BCAS3: variants seen among roughly 807,000 people sequenced by gnomAD.
BCAS3 encodes the protein BCAS4/BCAS3 fusion.
BCAS3 carries 53 observed loss-of-function variants against 116.1 expected under a neutral mutation model. That is an observed-to-expected ratio of 0.46 (90% CI 0.37 to 0.57). The LOEUF is 0.57. BCAS3 is among the 20% of genes least tolerant of loss of function. The pLI is 0.00. For synonymous variants in BCAS3, 391 were observed against 408.2 expected, an observed-to-expected ratio of 0.96 and a Z score of 0.51; for missense variants, 917 against 1,165.4, an observed-to-expected ratio of 0.79 and a Z score of 3.10.
At position 61,180,683 on chromosome 17, in the gene BCAS3, G is replaced by T. The variant is rs1198483462; in HGVS notation, c.2425+96119G>T. Among the ~76,000 whole-genome samples, 1 of 152,234 alleles carries T rather than the reference G, an allele frequency of 6.6e-6. No individual in the cohort carries two copies. The highest frequency in any genetic ancestry group is 1.5e-5 in the Non-Finnish European group (1 of 68,042). The stretch of plus-strand genomic sequence containing the variant: ...GAGGAGCATCAGTCCCATGCTTCGT[G>T]TCTGCACAGTGGAACATAAAGCAGC... On this transcript the variant is annotated intron_variant, in intron 22 of 23. Coordinates refer to ENST00000407086, the MANE Select transcript of BCAS3 (RefSeq NM_017679.5). The surrounding 1 kb of genome is among the most constrained non-coding windows in gnomAD (Gnocchi z 6.0).
At position 61,023,952 on chromosome 17, in the gene BCAS3, A is replaced by G. The variant is rs1030829537; in HGVS notation, c.1637+8051A>G. ...GAAAACACCAATTATTCGAGTTTGA[A>G]TATAGTAATTTGGGTTGCCTCTGTT... On this transcript the variant is annotated intron_variant, in intron 16 of 23. Coordinates refer to ENST00000407086, the MANE Select transcript of BCAS3 (RefSeq NM_017679.5). The surrounding 1 kb of genome is among the most constrained non-coding windows in gnomAD (Gnocchi z 4.8). 4.6e-5 allele frequency among the ~76,000 whole-genome samples: 7 copies of G among 152,156 alleles called. No homozygotes were observed. The highest frequency in any genetic ancestry group is 2.6e-4 in the Admixed American group (4 of 15,274).
rs1308451456 is a variant in BCAS3 at position 60,960,205 on chromosome 17, AC to A, written c.1221+12855del. Among the ~76,000 whole-genome samples the A allele has an allele frequency of 2.0e-5, 3 of 152,088 alleles. No individual in the cohort carries two copies. The highest frequency in any genetic ancestry group is 4.4e-5 in the Non-Finnish European group (3 of 68,016). On this transcript the variant is annotated intron_variant, in intron 14 of 23. Coordinates refer to ENST00000407086, the MANE Select transcript of BCAS3 (RefSeq NM_017679.5). The surrounding 1 kb of genome is among the most constrained non-coding windows in gnomAD (Gnocchi z 4.1). Reference sequence around the variant, plus strand: ...ATGCTAAGTATTACCTCTTTTCCCTACCAACATCCCCAAAAGTCACAACCCA... The same window carrying A: ...ATGCTAAGTATTACCTCTTTTCCCTACAACATCCCCAAAAGTCACAACCCA...
Position 61,131,951 on chromosome 17 carries a change from C to T in BCAS3, c.2425+47387C>T, listed in dbSNP as rs546584241. On this transcript the variant is annotated intron_variant, in intron 22 of 23. Transcript: ENST00000407086. This position sits in a 1 kb window ranked among gnomAD's most constrained non-coding sequence, Gnocchi z 4.4. ...ATGGCACTGGAAACATTTTTCTTTT[C>T]CTCTTGGGTGTTCTAATTCTCACTT... 6.6e-6 allele frequency among the ~76,000 whole-genome samples: 1 copy of T among 152,280 alleles called. No homozygotes were observed.
At chr17:60,800,191 C>T (rs537139703) in intron 6 of BCAS3, among the ~76,000 whole-genome samples, 1 of 152,218 alleles carries the variant, frequency 6.6e-6, no homozygotes, top group Non-Finnish European at 1.5e-5. Flanking sequence ...ATGATTGCGG[C>T]ATTTTATATT....
intron 22 of BCAS3, among the ~76,000 whole-genome samples, chr17:61,148,358 C>T (rs986229613): frequency 1.3e-5 from 2 of 152,152 alleles, no homozygotes; most frequent in African/African-American, 2.4e-5. Flanking sequence ...CCATTATGTG[C>T]CAGACACTGT....
At chr17:61,000,294 T>C (rs1436464662) in intron 15 of BCAS3, among the ~76,000 whole-genome samples, 1 of 152,140 alleles carries the variant, frequency 6.6e-6, no homozygotes, top group Non-Finnish European at 1.5e-5. Flanking sequence ...CTTACTATTT[T>C]GAGTCTACTT....
At position 61,161,976 on chromosome 17, in the gene BCAS3, T is replaced by C. The variant is rs571535590; in HGVS notation, c.2425+77412T>C. Among the ~76,000 whole-genome samples the C allele has an allele frequency of 1.4e-3, 209 of 152,304 alleles. 8 individuals carry two copies. The South Asian group carries it at 0.041, about 30-fold the overall frequency. On this transcript the variant is annotated intron_variant, in intron 22 of 23. Transcript: ENST00000407086. This position sits in a 1 kb window ranked among gnomAD's most constrained non-coding sequence, Gnocchi z 4.8. ...ACATTTAATAACTAAATTGGATTCC[T>C]TCTACTAAGAGATCCTAAATTCGTG...
chr17:61,173,942 A>C (rs942413528), intron 22 of BCAS3, among the ~76,000 whole-genome samples: 1 of 152,184 alleles, frequency 6.6e-6, no homozygotes, highest in African/African-American at 2.4e-5. Context: ...ATAAAAACAG[A>C]AAAACAAACC....
intron 22 of BCAS3, among the ~76,000 whole-genome samples, chr17:61,103,002 G>T (rs185702948): frequency 6.6e-6 from 1 of 152,088 alleles, no homozygotes; most frequent in Admixed American, 6.6e-5. Flanking sequence ...CTGAAATGTT[G>T]TAGATTCCTG....
intron 22 of BCAS3, among the ~76,000 whole-genome samples, chr17:61,103,914 G>A (rs1356088877): frequency 1.3e-5 from 2 of 152,154 alleles, no homozygotes; most frequent in East Asian, 1.9e-4. Context: ...TCTTTCGCCT[G>A]GGTGAGACTT....
chr17:61,026,896 C>T lies in BCAS3; in HGVS notation c.1638-7770C>T, dbSNP rs1338856461. 1 of 1,601,660 alleles carries T rather than the reference C, an allele frequency of 6.2e-7. No individual in the cohort carries two copies. Among genetic ancestry groups the T allele is most frequent in the East Asian group, 2.2e-5 (1 of 44,578 alleles). On this transcript the variant is annotated intron_variant, in intron 16 of 23. Coordinates refer to ENST00000407086, the MANE Select transcript of BCAS3 (RefSeq NM_017679.5). This position sits in a 1 kb window ranked among gnomAD's most constrained non-coding sequence, Gnocchi z 5.0. ...ATCTCTTTGGAGCGGGGTGTTTTTC[C>T]ATAAAAGCCCCATGGTGAGTTCCAG...
intron 5 of BCAS3, among the ~76,000 whole-genome samples, chr17:60,712,829 G>A (rs2038099341): frequency 6.6e-6 from 1 of 152,198 alleles, no homozygotes; most frequent in South Asian, 2.1e-4. Flanking sequence ...AGGGGAGAAG[G>A]AGATGGAGGA....
rs77587881 is a variant in BCAS3, at chr17:61,323,915, T to C, written c.2426-44412T>C. 0.016 allele frequency among the ~76,000 whole-genome samples: 2,462 copies of C among 152,336 alleles called. 42 individuals are homozygous for C. Among genetic ancestry groups the C allele is most frequent in the African/African-American group, 0.036 (1,493 of 41,576 alleles). On this transcript the variant is annotated intron_variant, in intron 22 of 23. Transcript: ENST00000407086. This position sits in a 1 kb window ranked among gnomAD's most constrained non-coding sequence, Gnocchi z 4.6. ...TCCCAGACGCTTCTTCCCTTCTTGT[T>C]TGCACATTCTTCCTGGAGGAAAATG...
Position 60,990,174 on chromosome 17 carries a change from A to G in BCAS3, c.1425A>G (p.Gln475=). 1 of 1,614,102 alleles carries G rather than the reference A, an allele frequency of 6.2e-7. No homozygotes were observed. The highest frequency in any genetic ancestry group is 2.2e-5 in the East Asian group (1 of 44,888). The part of the protein sequence containing the change: ...EEIEQELTSK[Q]GGRCSPVPGL... Reference sequence around the variant, plus strand: ...TTGAACAAGAACTGACGTCTAAGCAAGGAGGTCGCTGTAGCCCTGTTCCAG... The same window carrying G: ...TTGAACAAGAACTGACGTCTAAGCAGGGAGGTCGCTGTAGCCCTGTTCCAG... Residue 475 remains glutamine, a synonymous_variant, in exon 15 of 24, where the codon CAA becomes CAG. Transcript: ENST00000407086. This position sits in a 1 kb window ranked among gnomAD's most constrained non-coding sequence, Gnocchi z 5.1.
rs758975094 is a variant in BCAS3 at position 61,258,723 on chromosome 17, A to G, written c.2426-109604A>G. Among the ~76,000 whole-genome samples, 76 of 152,236 alleles carry G rather than the reference A, an allele frequency of 5.0e-4. No individual in the cohort carries two copies. The highest frequency in any genetic ancestry group is 9.7e-4 in the Non-Finnish European group (66 of 68,038). ...ATAAATTTTAGTAGACTCATTTGAT[A>G]TAACAGGGACTGGTATACACCCTCT... On this transcript the variant is annotated intron_variant, in intron 22 of 23. Coordinates refer to ENST00000407086, the MANE Select transcript of BCAS3 (RefSeq NM_017679.5). The surrounding 1 kb of genome is among the most constrained non-coding windows in gnomAD (Gnocchi z 4.7).
At chr17:61,375,142 C>T (rs554137232) in intron 23 of BCAS3, among the ~76,000 whole-genome samples, 2 of 151,734 alleles carry the variant, frequency 1.3e-5, no homozygotes, top group Non-Finnish European at 2.9e-5. Context: ...TAAGTGATCA[C>T]GGGATGGTTT....
At chr17:61,086,853 T>A in intron 22 of BCAS3, 2 of 985,366 alleles carry the variant, frequency 2.0e-6, no homozygotes, top group Non-Finnish European at 2.4e-6. Context: ...ACCTCTCAAT[T>A]GGTTCAGATC....
rs1261934854 is a variant in BCAS3, at chr17:61,368,217, G to C, written c.2426-110G>C. The C allele has an allele frequency of 5.7e-6, 7 of 1,222,482 alleles. No homozygotes were observed. The highest frequency in any genetic ancestry group is 7.9e-6 in the Non-Finnish European group (7 of 883,974). The allele number at this position is 1,222,482 out of a possible 1,614,324, so 75.7% of individuals were successfully genotyped here. A position where few individuals can be genotyped will look rare whatever the true frequency, so the allele number is the denominator to read the frequency against. ...TTGGCGGCGTGCTTCCATCCTACAGGAAGGCTACAATGGACCCTGGGTATG... is the reference window on the plus strand; with the variant it reads ...TTGGCGGCGTGCTTCCATCCTACAGCAAGGCTACAATGGACCCTGGGTATG... On this transcript the variant is annotated intron_variant, in intron 22 of 23. Transcript: ENST00000407086. This position sits in a 1 kb window ranked among gnomAD's most constrained non-coding sequence, Gnocchi z 6.0.
chr17:60,906,906 A>G (rs747748631), intron 11 of BCAS3, among the ~76,000 whole-genome samples: 12 of 152,164 alleles, frequency 7.9e-5, no homozygotes, highest in African/African-American at 2.7e-4. Flanking sequence ...TTATTAAGTC[A>G]CTTTCTCTGA....
Sources: allele counts gnomAD v4.1 joint callset (sites outside exome capture counted in the v4.1 genomes callset), GRCh38; gene constraint gnomAD v4.1.1; non-coding constraint Gnocchi (gnomAD v3.1); transcripts MANE v1.5; gene names NCBI Gene and HGNC (gene_info 2026-07-23, HGNC 2026-07-21).